Variants in KCNK2 observed in about 807,000 individuals in gnomAD.
KCNK2 encodes potassium two pore domain channel subfamily K member 2.
A neutral mutation model predicts 40.5 loss-of-function variants in KCNK2; 21 were observed. The observed-to-expected ratio is 0.52, with a 90% CI of 0.37 to 0.75. The LOEUF is 0.75. KCNK2 is among the 30% of genes least tolerant of loss of function. The pLI is 0.00. For synonymous variants in KCNK2, 191 were observed against 202.2 expected, an observed-to-expected ratio of 0.94 and a Z score of 0.47; for missense variants, 399 against 531.6, an observed-to-expected ratio of 0.75 and a Z score of 2.45.
At chr1:215,032,400 C>T (rs1014998858) in intron 1 of KCNK2, among the ~76,000 whole-genome samples, 2 of 151,802 alleles carry the variant, frequency 1.3e-5, no homozygotes, top group Non-Finnish European at 2.9e-5. Flanking sequence ...AGAGTGAGAT[C>T]CCATCTCAAA....
intron 2 of KCNK2, among the ~76,000 whole-genome samples, chr1:215,102,992 T>G (rs1660288880): frequency 6.6e-6 from 1 of 151,996 alleles, no homozygotes; most frequent in South Asian, 2.1e-4. Flanking sequence ...AGGGATTAGA[T>G]CAAATACATT....
At chr1:215,126,783 A>G (rs1002350666) in intron 3 of KCNK2, among the ~76,000 whole-genome samples, 1 of 152,178 alleles carries the variant, frequency 6.6e-6, no homozygotes, top group Non-Finnish European at 1.5e-5. Flanking sequence ...CCCTTTAGGT[A>G]GTTGCCTGAC....
chr1:215,081,964 T>A (rs2363561), upstream of KCNK2: 2 of 151,822 alleles, frequency 1.3e-5, no homozygotes, highest in Non-Finnish European at 2.9e-5. Context: ...CGGATCCTGA[T>A]GGGGAGGAGG....
Position 215,083,195 on chromosome 1 carries a change from C to CCCCCCCCCCCCCCCCCCCCCT in KCNK2, c.-183_-182insCCCCCCCCCCCCTCCCCCCCC. 4.4e-6 allele frequency: 1 copy of CCCCCCCCCCCCCCCCCCCCCT among 224,724 alleles called. No individual in the cohort carries two copies. Among genetic ancestry groups the CCCCCCCCCCCCCCCCCCCCCT allele is most frequent in the South Asian group, 6.2e-5 (1 of 16,110 alleles). The allele number at this position is 224,724 out of a possible 1,614,324, so 13.9% of individuals were successfully genotyped here. On this transcript the variant is annotated 5_prime_UTR_variant, in exon 1 of 7. Coordinates refer to ENST00000444842, the MANE Select transcript of KCNK2 (RefSeq NM_001017425.3). ...CCGCGATTTCGTTTCTTCTCACGCT[C>CCCCCCCCCCCCCCCCCCCCCT]CCCCCCCCGCCCCCTCCCGCGTCCA...
intron 6 of KCNK2, among the ~76,000 whole-genome samples, chr1:215,223,906 T>G (rs1666284962): frequency 6.6e-6 from 1 of 151,770 alleles, no homozygotes. Context: ...GCAGAGAATG[T>G]TAGGTTTTCC....
At chr1:215,043,834 A>C (rs937530858) in intron 1 of KCNK2, among the ~76,000 whole-genome samples, 1 of 152,228 alleles carries the variant, frequency 6.6e-6, no homozygotes, top group African/African-American at 2.4e-5. Context: ...AGAAGTCTAA[A>C]GAAATCTTGG....
rs375258876 is a variant in KCNK2 at position 215,235,133 on chromosome 1, G to A, written c.1269G>A (p.Glu423=). ...CTGGTGAAGAGATTGCTGTGATTGA[G>A]AACATCAAATAGCCCTCTCTTTAAA... ...HCAGEEIAVI[E]NIK The change falls in exon 7 of 7, where the codon GAG becomes GAA. Residue 423 remains glutamate (E), a synonymous_variant. Transcript: ENST00000444842. The A allele has an allele frequency of 3.8e-6, 6 of 1,595,648 alleles. No homozygotes were observed. In the Admixed American group the frequency reaches 1.0e-4, roughly 27 times the overall value.
intron 1 of KCNK2, among the ~76,000 whole-genome samples, chr1:215,068,631 G>A (rs953950763): frequency 6.6e-6 from 1 of 152,174 alleles, no homozygotes. Context: ...TGGTAGATTT[G>A]CATTGGCAAT....
rs201482650 is a variant in KCNK2, at chr1:215,083,194, TCC to T, written c.-184_-183del. 4.7e-4 allele frequency: 236 copies of T among 502,460 alleles called. 3 individuals are homozygous for T. In the East Asian group the frequency reaches 6.9e-3, roughly 15 times the overall value. 31.1% of individuals were successfully genotyped at this position (502,460 alleles called of 1,614,324 possible). ...CCCGCGATTTCGTTTCTTCTCACGCTCCCCCCCCCGCCCCCTCCCGCGTCCAG... is the reference window on the plus strand; with the variant it reads ...CCCGCGATTTCGTTTCTTCTCACGCTCCCCCCCGCCCCCTCCCGCGTCCAG... On this transcript the variant is annotated 5_prime_UTR_variant, in exon 1 of 7. Transcript: ENST00000444842.
At chr1:215,048,365 C>A (rs1657858532) in intron 1 of KCNK2, among the ~76,000 whole-genome samples, 2 of 152,180 alleles carry the variant, frequency 1.3e-5, no homozygotes, top group East Asian at 1.9e-4. Flanking sequence ...AGACTAAAAG[C>A]TTTCATGAGA....
chr1:215,158,996 A>G (rs1663071124), intron 3 of KCNK2, among the ~76,000 whole-genome samples: 1 of 152,092 alleles, frequency 6.6e-6, no homozygotes, highest in African/African-American at 2.4e-5. Flanking sequence ...ATGTACAGAA[A>G]TGGTTCACCC....
intron 5 of KCNK2, among the ~76,000 whole-genome samples, chr1:215,184,348 A>C (rs1664342598): frequency 6.6e-6 from 1 of 152,212 alleles, no homozygotes; most frequent in South Asian, 2.1e-4. Flanking sequence ...AGGCTGTCTT[A>C]TCACTTTTTA....
chr1:215,125,739 AATATATATATATATATATATATATAT>A (rs66622204), intron 3 of KCNK2, among the ~76,000 whole-genome samples: 6 of 124,328 alleles, frequency 4.8e-5, no homozygotes, highest in Non-Finnish European at 9.8e-5. Flanking sequence ...AAGTATAATA[AATATATATATATATATATATATATAT>A]ATATATATAT....
At position 215,214,245 on chromosome 1, in the gene KCNK2, G is replaced by T. The variant is rs534472280; in HGVS notation, c.963+19153G>T. On this transcript the variant is annotated intron_variant, in intron 6 of 6. Coordinates refer to ENST00000444842, the MANE Select transcript of KCNK2 (RefSeq NM_001017425.3). Reference sequence around the variant, plus strand: ...ACGGTGGAAGGCTAAGGAGAGGCAGGCATGATTTGCATGGCTGCAACAGGA... The same window carrying T: ...ACGGTGGAAGGCTAAGGAGAGGCAGTCATGATTTGCATGGCTGCAACAGGA... 6.6e-5 allele frequency among the ~76,000 whole-genome samples: 10 copies of T among 152,236 alleles called. 1 individual carries two copies. The highest frequency in any genetic ancestry group is 2.4e-4 in the African/African-American group (10 of 41,526).
chr1:215,149,375 T>C (rs188862701), intron 3 of KCNK2, among the ~76,000 whole-genome samples: 3 of 152,240 alleles, frequency 2.0e-5, no homozygotes, highest in East Asian at 3.9e-4. Context: ...AAGGAAAAGA[T>C]TAAGGTATTC....
At chr1:215,230,474 T>C (rs1408531256) in intron 6 of KCNK2, among the ~76,000 whole-genome samples, 1 of 109,286 alleles carries the variant, frequency 9.2e-6, no homozygotes, top group Non-Finnish European at 1.8e-5. Context: ...TGTAGATATA[T>C]ATATACACAC....
At chr1:215,165,186 A>G (rs1571685619) in intron 3 of KCNK2, among the ~76,000 whole-genome samples, 2 of 152,234 alleles carry the variant, frequency 1.3e-5, no homozygotes, top group Middle Eastern at 6.8e-3. Context: ...GCTTGCACCA[A>G]TTGATTTGTT....
chr1:215,167,492 G>T (rs1016681370), intron 3 of KCNK2, among the ~76,000 whole-genome samples: 2 of 151,994 alleles, frequency 1.3e-5, no homozygotes, highest in Admixed American at 1.3e-4. Context: ...TTTAACCCAA[G>T]CATATATGTG....
intron 1 of KCNK2, among the ~76,000 whole-genome samples, chr1:215,019,294 A>G (rs1005462301): frequency 3.3e-5 from 5 of 152,242 alleles, no homozygotes; most frequent in Non-Finnish European, 5.9e-5. Context: ...GATGCAAACG[A>G]TAGAACTTCA....
Sources: gnomAD v4.1 joint callset for allele counts (sites outside exome capture counted in the v4.1 genomes callset) on GRCh38, gnomAD v4.1.1 for gene constraint, MANE v1.5 for transcripts, NCBI Gene and HGNC (gene_info 2026-07-23, HGNC 2026-07-21) for gene names.